Variants in IFT81 observed in about 807,000 individuals in gnomAD.
The protein encoded by IFT81 is intraflagellar transport 81, also known as intraflagellar transport protein 81 homolog.
Under a neutral mutation model 102.6 loss-of-function variants are expected in IFT81, and 72 were observed. The observed-to-expected ratio is 0.70, with a 90% CI of 0.58 to 0.85. The LOEUF is 0.85. IFT81 is among the 40% of genes least tolerant of loss of function. The pLI is 0.00. For missense variants in IFT81, 723 were observed against 787.3 expected, an observed-to-expected ratio of 0.92 and a Z score of 0.98; for synonymous variants, 237 against 242.7, an observed-to-expected ratio of 0.98 and a Z score of 0.22.
At chr12:110,197,223 GGTAGATAA>G (rs1898038886) in intron 14 of IFT81, among the ~76,000 whole-genome samples, 2 of 149,738 alleles carry the variant, frequency 1.3e-5, no homozygotes, top group Non-Finnish European at 3.0e-5. Context: ...TAGGTGAGTG[GGTAGATAA>G]GTAGATAGGT....
chr12:110,134,590 G>A (rs1894370771), intron 5 of IFT81, among the ~76,000 whole-genome samples: 3 of 152,182 alleles, frequency 2.0e-5, no homozygotes, highest in African/African-American at 4.8e-5. Flanking sequence ...TGGGATGTCA[G>A]CAGCTGTTGT....
At chr12:110,188,854 G>A (rs555868745) in intron 12 of IFT81, among the ~76,000 whole-genome samples, 27 of 151,674 alleles carry the variant, frequency 1.8e-4, no homozygotes, top group African/African-American at 6.0e-4. Flanking sequence ...GCTTGAACCC[G>A]GGAGTCGGAG....
At chr12:110,208,954 G>A in intron 17 of IFT81, among the ~76,000 whole-genome samples, 1 of 152,162 alleles carries the variant, frequency 6.6e-6, no homozygotes, top group East Asian at 1.9e-4. Context: ...CCTATTAAAT[G>A]TTTTGCTTTC....
In IFT81 at chr12:110,135,032, T is replaced by C. The variant is rs751558543; in HGVS notation, c.585+19T>C. On this transcript the variant is annotated intron_variant, in intron 6 of 18. Coordinates refer to ENST00000242591, the MANE Select transcript of IFT81 (RefSeq NM_014055.4). ...GAAAAGGGTAAGGCAGAATTAGTAC[T>C]GTAAGACTTTGGCCCCAAGTCCCAA... 5.7e-6 allele frequency: 9 copies of C among 1,567,694 alleles called. No homozygotes were observed. In the East Asian group the frequency reaches 6.7e-5, roughly 12 times the overall value.
intron 18 of IFT81, among the ~76,000 whole-genome samples, chr12:110,215,663 C>T (rs985403818): frequency 6.6e-6 from 1 of 150,928 alleles, no homozygotes; most frequent in African/African-American, 2.4e-5. Flanking sequence ...GAGACAGGGG[C>T]GTCTCACTTT....
chr12:110,186,946 T>A (rs1185807511), intron 12 of IFT81, among the ~76,000 whole-genome samples: 2 of 152,170 alleles, frequency 1.3e-5, no homozygotes, highest in African/African-American at 4.8e-5. Context: ...TTTGTGTTTT[T>A]CTTTTTCTTT....
intron 10 of IFT81, among the ~76,000 whole-genome samples, chr12:110,155,962 T>A (rs1160659428): frequency 6.6e-6 from 1 of 152,200 alleles, no homozygotes; most frequent in Non-Finnish European, 1.5e-5. Flanking sequence ...TACAGCTCCA[T>A]CCCCACCCCT....
Position 110,137,294 on chromosome 12 carries a change from C to A in IFT81, c.781+434C>A, listed in dbSNP as rs548883851. Among the ~76,000 whole-genome samples, 37 of 152,192 alleles carry A rather than the reference C, an allele frequency of 2.4e-4. 2 individuals are homozygous for A. The highest frequency in any genetic ancestry group is 5.9e-5 in the Non-Finnish European group (4 of 68,000). ...GGCAGAGGTTGCAGTGAGCCGAGAC[C>A]GCGCCACTGCAGCCCAGCCTGGGCG... On this transcript the variant is annotated intron_variant, in intron 8 of 18. Coordinates refer to ENST00000242591, the MANE Select transcript of IFT81 (RefSeq NM_014055.4).
In IFT81 at chr12:110,128,237, C is replaced by T. The variant is rs530499014; in HGVS notation, c.248+88C>T. The T allele has an allele frequency of 2.3e-5, 18 of 771,322 alleles. No homozygotes were observed. The African/African-American group carries it at 3.0e-4, about 13-fold the overall frequency. The allele number at this position is 771,322 out of a possible 1,614,324, so 47.8% of individuals were successfully genotyped here. On this transcript the variant is annotated intron_variant, in intron 3 of 18. Transcript: ENST00000242591. Reference sequence around the variant, plus strand: ...CTGCAATCAATCTTTGTAGGTAATACCTGGTTTCCCTCATTTGATGGCCTG... The same window carrying T: ...CTGCAATCAATCTTTGTAGGTAATATCTGGTTTCCCTCATTTGATGGCCTG...
At position 110,162,389 on chromosome 12, in the gene IFT81, C is replaced by T. The variant is rs148554262; in HGVS notation, c.1042-530C>T. On this transcript the variant is annotated intron_variant, in intron 10 of 18. Transcript: ENST00000242591. ...TCTTTCTCTGTCACCCAGGCTGGAG[C>T]GCAGTGGCGTGATCTCGGCTCACTG... 9.1e-3 allele frequency: 1,285 copies of T among 140,508 alleles called. 18 individuals carry two copies. Among genetic ancestry groups the T allele is most frequent in the African/African-American group, 0.032 (1,187 of 37,488 alleles). 8.7% of individuals were successfully genotyped at this position (140,508 alleles called of 1,614,324 possible). A position where few individuals can be genotyped will look rare whatever the true frequency, so the allele number is the denominator to read the frequency against.
chr12:110,135,112 A>T, intron 6 of IFT81, 99 bp downstream of exon 6: 1 of 927,386 alleles, frequency 1.1e-6, no homozygotes, highest in Non-Finnish European at 1.7e-6. Context: ...ATGAGTGTAC[A>T]TCTGAGGATG....
At chr12:110,173,961 T>TA (rs1219514156) in intron 11 of IFT81, among the ~76,000 whole-genome samples, 160 of 117,290 alleles carry the variant, frequency 1.4e-3, no homozygotes, top group African/African-American at 1.4e-3. Context: ...GAATGATCAA[T>TA]AAAAAAAAAA....
intron 7 of IFT81, among the ~76,000 whole-genome samples, 187 bp from the exon 8 acceptor site, chr12:110,136,589 T>G (rs1280859305): frequency 6.6e-6 from 1 of 152,204 alleles, no homozygotes; most frequent in Non-Finnish European, 1.5e-5. Context: ...CCTTAAAAAA[T>G]GTATGTGAAA....
At chr12:110,132,391 CG>C (rs1379991614) in intron 4 of IFT81, among the ~76,000 whole-genome samples, 155 bp from the exon 5 acceptor site, 2 of 146,432 alleles carry the variant, frequency 1.4e-5, no homozygotes, top group Non-Finnish European at 3.0e-5. Context: ...ATCTGGGAGG[CG>C]GAAGTTGTAG....
At chr12:110,169,084 T>TTC (rs1296222171) in intron 11 of IFT81, 1 of 121,206 alleles carries the variant, frequency 8.3e-6, no homozygotes, top group Non-Finnish European at 1.8e-5. Flanking sequence ...TTCCTTCCTC[T>TTC]CTCTCTCTCT....
chr12:110,187,654 A>G (rs1010952031), intron 12 of IFT81, among the ~76,000 whole-genome samples: 3 of 152,174 alleles, frequency 2.0e-5, no homozygotes, highest in African/African-American at 7.2e-5. Context: ...GTAAAGTGTC[A>G]TTAAATTTTA....
chr12:110,127,401 C>T lies in IFT81; in HGVS notation c.21C>T (p.Phe7=). 1 of 1,588,488 alleles carries T rather than the reference C, an allele frequency of 6.3e-7. No individual in the cohort carries two copies. Among genetic ancestry groups the T allele is most frequent in the African/African-American group, 1.4e-5 (1 of 73,676 alleles). Residue 7 remains phenylalanine (F), a synonymous_variant, in exon 2 of 19, where the codon TTC becomes TTT. Coordinates refer to ENST00000242591, the MANE Select transcript of IFT81 (RefSeq NM_014055.4). Reference sequence around the variant, plus strand: ...TAATTATGAGTGATCAAATTAAATTCATTATGGACAGTCTCAATAAGGAGC... The same window carrying T: ...TAATTATGAGTGATCAAATTAAATTTATTATGGACAGTCTCAATAAGGAGC... The part of the protein sequence containing the change: MSDQIK[F]IMDSLNKEPF...
chr12:110,164,573 A>G (rs374757377), intron 11 of IFT81, among the ~76,000 whole-genome samples: 3 of 152,240 alleles, frequency 2.0e-5, no homozygotes, highest in Admixed American at 6.5e-5. Context: ...ACAAATTGGC[A>G]GTGAACCTTC....
intron 10 of IFT81, 49 bp from the exon 11 acceptor site, chr12:110,162,870 A>C (rs943384534): frequency 4.2e-6 from 6 of 1,441,480 alleles, no homozygotes; most frequent in African/African-American, 1.4e-5. Context: ...AAGATAATAG[A>C]AAGTTGATTG....
Sources: gnomAD v4.1 joint callset for allele counts (sites outside exome capture counted in the v4.1 genomes callset) on GRCh38, gnomAD v4.1.1 for gene constraint, MANE v1.5 for transcripts, NCBI Gene and HGNC (gene_info 2026-07-23, HGNC 2026-07-21) for gene names.